WWOX: variants seen among roughly 807,000 people sequenced by gnomAD.
WWOX encodes WW domain-containing oxidoreductase.
WWOX carries 69 observed loss-of-function variants against 46.2 expected under a neutral mutation model. The ratio of observed to expected loss-of-function variants is 1.49; its 90% CI spans 1.23 to 1.82. The LOEUF is 1.82. WWOX is among the 40% of genes most tolerant of loss of function. WWOX has a pLI of 0.00. For missense variants in WWOX, 919 were observed against 542.6 expected (o/e 1.69, Z -6.89); for synonymous variants, 359 against 202.6 (o/e 1.77, Z -6.56).
At chr16:78,775,151 TACCTC>T (rs1195661166) in intron 8 of WWOX, among the ~76,000 whole-genome samples, 1 of 152,202 alleles carries the variant, frequency 6.6e-6, no homozygotes, top group Non-Finnish European at 1.5e-5. Context: ...GTTCCTGAAA[TACCTC>T]AATTCCTTTT....
At chr16:78,978,087 T>G (rs1566884) in intron 8 of WWOX, among the ~76,000 whole-genome samples, 1 of 152,014 alleles carries the variant, frequency 6.6e-6, no homozygotes, top group Non-Finnish European at 1.5e-5. Flanking sequence ...GTAGGTTTGC[T>G]TATTTGGGAT....
Position 78,617,528 on chromosome 16 carries a change from G to A in WWOX, c.1056+184776G>A, listed in dbSNP as rs180737325. On this transcript the variant is annotated intron_variant, in intron 8 of 8. Transcript: ENST00000566780. ...TGCCGAGCACAAGTGGTGGACTTAAGAAGCCACATAAAGAAGCACCCACGT... is the reference window on the plus strand; with the variant it reads ...TGCCGAGCACAAGTGGTGGACTTAAAAAGCCACATAAAGAAGCACCCACGT... 2.8e-3 allele frequency among the ~76,000 whole-genome samples: 422 copies of A among 152,180 alleles called. 3 individuals carry two copies. The highest frequency in any genetic ancestry group is 9.7e-3 in the African/African-American group (403 of 41,510).
chr16:78,654,473 T>C (rs1052139040), intron 8 of WWOX, among the ~76,000 whole-genome samples: 12 of 152,232 alleles, frequency 7.9e-5, no homozygotes, highest in African/African-American at 2.9e-4. Flanking sequence ...TCTACCCTTA[T>C]GGTTTTTATA....
At chr16:78,421,731 G>C (rs1411532874) in intron 6 of WWOX, among the ~76,000 whole-genome samples, 2 of 152,154 alleles carry the variant, frequency 1.3e-5, no homozygotes, top group East Asian at 3.9e-4. Flanking sequence ...AAAAACAACA[G>C]TAAAGCTGGC....
chr16:78,114,336 G>C (rs898970984), intron 3 of WWOX, among the ~76,000 whole-genome samples: 2 of 152,132 alleles, frequency 1.3e-5, no homozygotes, highest in African/African-American at 4.8e-5. Flanking sequence ...CTGGGCTCAA[G>C]TGGTCCTCTT....
intron 8 of WWOX, among the ~76,000 whole-genome samples, chr16:78,956,146 G>A (rs2046162136): frequency 1.3e-5 from 2 of 151,836 alleles, no homozygotes; most frequent in African/African-American, 4.8e-5. Flanking sequence ...TTAGGTTTTG[G>A]GGGTTTGTTG....
chr16:78,257,808 T>C (rs1259903290), intron 5 of WWOX, among the ~76,000 whole-genome samples: 1 of 152,244 alleles, frequency 6.6e-6, no homozygotes, highest in African/African-American at 2.4e-5. Flanking sequence ...CTTAGCCTTC[T>C]AAGACTTAGA....
rs77431029 is a variant in WWOX, at chr16:78,605,936, C to T, written c.1056+173184C>T. Reference sequence around the variant, plus strand: ...ATGGAGCAAGAAGCTGAAACATGCGCATTTGTAATAGACTCAGCATCTGAA... The same window carrying T: ...ATGGAGCAAGAAGCTGAAACATGCGTATTTGTAATAGACTCAGCATCTGAA... On this transcript the variant is annotated intron_variant, in intron 8 of 8. Transcript: ENST00000566780. 4.0e-3 allele frequency among the ~76,000 whole-genome samples: 603 copies of T among 152,302 alleles called. 34 individuals are homozygous for T. The East Asian group carries it at 0.094, about 24-fold the overall frequency.
At chr16:78,396,516 A>G (rs1484012794) in intron 6 of WWOX, among the ~76,000 whole-genome samples, 2 of 152,200 alleles carry the variant, frequency 1.3e-5, no homozygotes, top group Non-Finnish European at 2.9e-5. Context: ...CATAGAGAGT[A>G]AAAACCACGC....
At chr16:78,833,286 G>T (rs372418912) in intron 8 of WWOX, among the ~76,000 whole-genome samples, 1 of 152,032 alleles carries the variant, frequency 6.6e-6, no homozygotes, top group African/African-American at 2.4e-5. Flanking sequence ...GCTTCAAGCA[G>T]TCCTCTCACC....
At chr16:78,884,279 AAAAAAAAAAAAAAAC>A (rs1445873572) in intron 8 of WWOX, among the ~76,000 whole-genome samples, 1 of 147,672 alleles carries the variant, frequency 6.8e-6, no homozygotes. Context: ...TCTCCAAAAA[AAAAAAAAAAAAAAAC>A]AAAAGACCAT....
intron 8 of WWOX, among the ~76,000 whole-genome samples, chr16:78,987,783 G>T (rs2046809865): frequency 6.6e-6 from 1 of 152,102 alleles, no homozygotes; most frequent in Non-Finnish European, 1.5e-5. Flanking sequence ...TGATGAACTT[G>T]TCAACTTTTA....
intron 8 of WWOX, among the ~76,000 whole-genome samples, chr16:78,797,238 C>G (rs2050762422): frequency 1.3e-5 from 2 of 151,232 alleles, no homozygotes; most frequent in African/African-American, 4.9e-5. Context: ...AGAGAACCTG[C>G]TAAAGGGAAG....
intron 8 of WWOX, among the ~76,000 whole-genome samples, chr16:78,777,178 T>G (rs1166300788): frequency 1.8e-5 from 1 of 55,786 alleles, no homozygotes; most frequent in East Asian, 3.2e-4. Flanking sequence ...ATGGCTGTAT[T>G]TCAATGGCTG....
At chr16:78,587,712 G>GC (rs2045249337) in intron 8 of WWOX, among the ~76,000 whole-genome samples, 1 of 152,086 alleles carries the variant, frequency 6.6e-6, no homozygotes, top group African/African-American at 2.4e-5. Context: ...CTTGACTGTG[G>GC]CCTTCACCTT....
intron 8 of WWOX, among the ~76,000 whole-genome samples, chr16:78,931,807 C>T (rs989319591): frequency 6.6e-6 from 1 of 152,286 alleles, no homozygotes; most frequent in East Asian, 1.9e-4. Context: ...CCACCCAAGT[C>T]TCATCTTGAA....
At chr16:79,134,874 T>C (rs2049953424) in intron 8 of WWOX, among the ~76,000 whole-genome samples, 1 of 152,216 alleles carries the variant, frequency 6.6e-6, no homozygotes, top group Non-Finnish European at 1.5e-5. Context: ...AGAAAGCAAC[T>C]GCATTCCCAC....
intron 8 of WWOX, among the ~76,000 whole-genome samples, chr16:79,072,227 A>G (rs1567530536): frequency 6.6e-6 from 1 of 152,194 alleles, no homozygotes; most frequent in Non-Finnish European, 1.5e-5. Flanking sequence ...TTGAGGCTGC[A>G]GTGAGCTATG....
chr16:78,698,419 C>G (rs2048145242), intron 8 of WWOX, among the ~76,000 whole-genome samples: 3 of 152,186 alleles, frequency 2.0e-5, no homozygotes, highest in Non-Finnish European at 4.4e-5. Flanking sequence ...ATTTCATTCG[C>G]ATTACAGATT....
Sources: gnomAD v4.1 joint callset for allele counts (sites outside exome capture counted in the v4.1 genomes callset) on GRCh38, gnomAD v4.1.1 for gene constraint, MANE v1.5 for transcripts, NCBI Gene and HGNC (gene_info 2026-07-23, HGNC 2026-07-21) for gene names.